TGM3: variants seen among roughly 807,000 people sequenced by gnomAD.
TGM3 encodes the protein protein-glutamine gamma-glutamyltransferase E.
Under a neutral mutation model 73.8 loss-of-function variants are expected in TGM3, and 52 were observed. The ratio of observed to expected loss-of-function variants is 0.70; its 90% CI spans 0.56 to 0.89. The LOEUF (loss-of-function observed/expected upper bound fraction) is 0.89. Among genes scored for constraint, TGM3 ranks in the 40% least tolerant of loss-of-function variants. The pLI is 0.00. For synonymous variants in TGM3, 372 were observed against 354.9 expected, an observed-to-expected ratio of 1.05 and a Z score of -0.54; for missense variants, 928 against 909.9, an observed-to-expected ratio of 1.02 and a Z score of -0.26.
chr20:2,325,376 T>C (rs2084280810), intron 7 of TGM3, among the ~76,000 whole-genome samples: 1 of 152,128 alleles, frequency 6.6e-6, no homozygotes, highest in South Asian at 2.1e-4. Flanking sequence ...ACGGTGTGGC[T>C]CTTAGATAAG....
rs760349725 is a variant in TGM3 at position 2,309,706 on chromosome 20, G to A, written c.57G>A (p.Ala19=). 2.7e-5 allele frequency: 44 copies of A among 1,614,010 alleles called. No individual in the cohort carries two copies. Among genetic ancestry groups the A allele is most frequent in the Admixed American group, 2.3e-4 (14 of 60,000 alleles). Residue 19 remains alanine (A), a synonymous_variant, in exon 2 of 13, where the codon GCG becomes GCA. Coordinates refer to ENST00000381458, the MANE Select transcript of TGM3 (RefSeq NM_003245.4). ...GGCAGACGGCCTTCAACCGACAAGC[G>A]CATCACACAGACAAGTTCTCCAGCC... ...INWQTAFNRQ[A]HHTDKFSSQE...
chr20:2,325,219 T>C (rs1290645675), intron 7 of TGM3, among the ~76,000 whole-genome samples: 2 of 152,102 alleles, frequency 1.3e-5, no homozygotes, highest in Non-Finnish European at 2.9e-5. Flanking sequence ...GAGGGCAGAA[T>C]TGGGGGACAG....
At chr20:2,327,157 A>G (rs1206250862) in intron 8 of TGM3, among the ~76,000 whole-genome samples, 1 of 152,098 alleles carries the variant, frequency 6.6e-6, no homozygotes, top group African/African-American at 2.4e-5. Flanking sequence ...AAGAACATAA[A>G]CTATCAAGGC....
chr20:2,311,688 G>A (rs1346413309), intron 4 of TGM3, among the ~76,000 whole-genome samples: 4 of 152,112 alleles, frequency 2.6e-5, no homozygotes, highest in Non-Finnish European at 5.9e-5. Flanking sequence ...CACCTCGGGC[G>A]GGGTGCCTTG....
In TGM3 at chr20:2,340,783, G is replaced by C. The variant is rs1173931407; in HGVS notation, c.*202G>C. The C allele has an allele frequency of 6.6e-5, 48 of 728,126 alleles. No homozygotes were observed. The highest frequency in any genetic ancestry group is 7.3e-6 in the Non-Finnish European group (3 of 413,074). The allele number at this position is 728,126 out of a possible 1,614,324, so 45.1% of individuals were successfully genotyped here. A position where few individuals can be genotyped will look rare whatever the true frequency, so the allele number is the denominator to read the frequency against. ...CTGGGTCCACCCTGTCCTATGACTT[G>C]ATCACTTTTGCACATTCCCTGGCCG... On this transcript the variant is annotated 3_prime_UTR_variant, in exon 13 of 13. Coordinates refer to ENST00000381458, the MANE Select transcript of TGM3 (RefSeq NM_003245.4).
rs1346844495 is a variant in TGM3, at chr20:2,310,458, C to A, written c.421+41C>A. The A allele has an allele frequency of 4.4e-6, 7 of 1,598,534 alleles. No homozygotes were observed. The Admixed American group carries it at 5.2e-5, about 12-fold the overall frequency. ...CCCACACTCTCAGCCCTGGCCTAAG[C>A]TAGAAAAGAAAAAGGGGATGGGGGA... On this transcript the variant is annotated intron_variant, in intron 3 of 12. Transcript: ENST00000381458.
rs1025474153 is a variant in TGM3, at chr20:2,328,048, G to A, written c.1088-72G>A. ...GCAGGGGGTTGCAGTGGTCCTGGAAGGCCCTGGGGAATCGGGCACTGGGTA... is the reference window on the plus strand; with the variant it reads ...GCAGGGGGTTGCAGTGGTCCTGGAAAGCCCTGGGGAATCGGGCACTGGGTA... On this transcript the variant is annotated intron_variant, in intron 8 of 12. Coordinates refer to ENST00000381458, the MANE Select transcript of TGM3 (RefSeq NM_003245.4). The surrounding 1 kb of genome is among the most constrained non-coding windows in gnomAD (Gnocchi z 5.2). 1.9e-6 allele frequency: 3 copies of A among 1,593,446 alleles called. No individual in the cohort carries two copies. The highest frequency in any genetic ancestry group is 2.7e-5 in the African/African-American group (2 of 74,760).
At position 2,335,121 on chromosome 20, in the gene TGM3, G is replaced by A; in HGVS notation, c.1648G>A (p.Glu550Lys). 1.2e-6 allele frequency: 2 copies of A among 1,614,214 alleles called. No homozygotes were observed. The highest frequency in any genetic ancestry group is 2.2e-5 in the South Asian group (2 of 91,078). Residue 550 changes from glutamate to lysine, a missense_variant, in exon 11 of 13, where the codon GAA becomes AAA. By Grantham distance (56) the Glu-to-Lys change is moderately conservative (BLOSUM62 1). Coordinates refer to ENST00000381458, the MANE Select transcript of TGM3 (RefSeq NM_003245.4). ...CCCCTGGCTTCTCCTTCCAGAGGCA[G>A]AACATCCCATAAAGATCTCGTACGC... ...TMSLDPEEEA[E>K]HPIKISYAQY...
At position 2,332,300 on chromosome 20, in the gene TGM3, C is replaced by A. The variant is rs769809472; in HGVS notation, c.1632C>A (p.Asp544Glu). The A allele has an allele frequency of 3.8e-6, 6 of 1,593,532 alleles. No homozygotes were observed. Among genetic ancestry groups the A allele is most frequent in the Admixed American group, 1.7e-5 (1 of 58,180 alleles). The change falls in exon 10 of 13, where the codon GAC (aspartate) becomes GAA (glutamate). Residue 544 changes from aspartate (D) to glutamate (E), a missense_variant. By Grantham distance (45) the Asp-to-Glu change is conservative (BLOSUM62 2). Transcript: ENST00000381458. This position sits in a 1 kb window ranked among gnomAD's most constrained non-coding sequence, Gnocchi z 4.4. ...VWKDSATMSL[D>E]PEEEAEHPIK... ...AGGACTCTGCCACAATGTCCCTGGA[C>A]CCTGAGGAAGGTAACGCATCCCGCA...
At position 2,302,714 on chromosome 20, in the gene TGM3, T is replaced by TAAAAAA. The variant is rs56347560; in HGVS notation, c.7+6654_7+6659dup. Among the ~76,000 whole-genome samples the TAAAAAA allele has an allele frequency of 5.9e-4, 62 of 105,268 alleles. 2 individuals carry two copies. The highest frequency in any genetic ancestry group is 1.6e-3 in the Admixed American group (13 of 8,168). The allele number at this position is 105,268 out of a possible 152,430, so 69.1% of individuals were successfully genotyped here. A position where few individuals can be genotyped will look rare whatever the true frequency, so the allele number is the denominator to read the frequency against. On this transcript the variant is annotated intron_variant, in intron 1 of 12. Coordinates refer to ENST00000381458, the MANE Select transcript of TGM3 (RefSeq NM_003245.4). ...CAACTGTTTATATAAAGAGGTTTTC[T>TAAAAAA]AAAAAAAAAAAAAAATTTAAAACAG... is the stretch of plus-strand genomic sequence containing the variant.
At chr20:2,340,374 C>T (rs1774310744) in intron 12 of TGM3, 60 bp from the exon 13 acceptor site, 2 of 1,599,730 alleles carry the variant, frequency 1.3e-6, no homozygotes, top group South Asian at 1.1e-5. Context: ...TCACAGGAGG[C>T]CCGTCCAGCC....
intron 11 of TGM3, among the ~76,000 whole-genome samples, chr20:2,337,303 T>A (rs1473178435): frequency 6.6e-6 from 1 of 152,112 alleles, no homozygotes; most frequent in Non-Finnish European, 1.5e-5. Context: ...ACACTCCCCA[T>A]CTCTCTAGAC....
chr20:2,309,562 C>G (rs892496437), intron 1 of TGM3, 95 bp from the exon 2 acceptor site: 1 of 1,336,732 alleles, frequency 7.5e-7, no homozygotes, highest in African/African-American at 1.4e-5. Context: ...CTTGACAAGC[C>G]TCACCCCAAA....
chr20:2,333,709 T>C (rs2084332700), intron 10 of TGM3, among the ~76,000 whole-genome samples: 1 of 152,062 alleles, frequency 6.6e-6, no homozygotes, highest in Non-Finnish European at 1.5e-5. Context: ...AGAGCTAATT[T>C]TGGAAATCAA....
chr20:2,340,024 G>A (rs371377878), intron 12 of TGM3, 37 bp downstream of exon 12: 14 of 1,523,292 alleles, frequency 9.2e-6, no homozygotes, highest in Middle Eastern at 1.8e-4. Flanking sequence ...GCAGGAGGGC[G>A]GGAGGGGGCG....
At position 2,340,485 on chromosome 20, in the gene TGM3, G is replaced by C. The variant is rs1357785744; in HGVS notation, c.1986G>C (p.Leu662=). 7.4e-6 allele frequency: 12 copies of C among 1,614,036 alleles called. No homozygotes were observed. The highest frequency in any genetic ancestry group is 9.3e-6 in the Non-Finnish European group (11 of 1,180,034). Reference sequence around the variant, plus strand: ...GGTCCCGGGTCCGTTTTGATATCCTGCCCTCCCGGAGTGGCACCAAGCAAC... The same window carrying C: ...GGTCCCGGGTCCGTTTTGATATCCTCCCCTCCCGGAGTGGCACCAAGCAAC... The part of the protein sequence containing the change: ...KEGSRVRFDI[L]PSRSGTKQLL... Residue 662 remains leucine (L), a synonymous_variant, in exon 13 of 13, where the codon CTG becomes CTC. Coordinates refer to ENST00000381458, the MANE Select transcript of TGM3 (RefSeq NM_003245.4).
Position 2,304,390 on chromosome 20 carries a change from G to A in TGM3, c.8-5267G>A, listed in dbSNP as rs1279274888. Among the ~76,000 whole-genome samples, 3 of 152,202 alleles carry A rather than the reference G, an allele frequency of 2.0e-5. No individual in the cohort carries two copies. In the South Asian group the frequency reaches 6.2e-4, roughly 32 times the overall value. On this transcript the variant is annotated intron_variant, in intron 1 of 12. Coordinates refer to ENST00000381458, the MANE Select transcript of TGM3 (RefSeq NM_003245.4). ...CTGGCAGCCCCTACTCAGGGATGCG[G>A]GGCAGGCTGTCCCCTTTGTCCAGCT...
Position 2,332,303 on chromosome 20 carries a change from T to C in TGM3, c.1635T>C (p.Pro545=). The change falls in exon 10 of 13, where the codon CCT becomes CCC. Residue 545 remains proline (P), a synonymous_variant. Transcript: ENST00000381458. This position sits in a 1 kb window ranked among gnomAD's most constrained non-coding sequence, Gnocchi z 4.4. ...WKDSATMSLD[P]EEEAEHPIKI... ...ACTCTGCCACAATGTCCCTGGACCC[T>C]GAGGAAGGTAACGCATCCCGCAGTT... 6.3e-7 allele frequency: 1 copy of C among 1,590,580 alleles called. No homozygotes were observed. The highest frequency in any genetic ancestry group is 8.6e-7 in the Non-Finnish European group (1 of 1,166,680).
Position 2,325,839 on chromosome 20 carries a change from C to G in TGM3, c.984-10C>G, listed in dbSNP as rs1382105467. On this transcript the variant is annotated splice_polypyrimidine_tract_variant and intron_variant, in intron 7 of 12. Transcript: ENST00000381458. The stretch of plus-strand genomic sequence containing the variant: ...TGGGCAAGCGCTGCAGTCTCTGGTT[C>G]TATCTGCAGGAATTTCCATGTCTGG... The G allele has an allele frequency of 6.5e-7, 1 of 1,544,906 alleles. No individual in the cohort carries two copies. The highest frequency in any genetic ancestry group is 2.4e-5 in the East Asian group (1 of 41,116).
Sources: gnomAD v4.1 joint callset for allele counts (sites outside exome capture counted in the v4.1 genomes callset) on GRCh38, gnomAD v4.1.1 for gene constraint, Gnocchi (gnomAD v3.1) non-coding constraint, MANE v1.5 for transcripts, NCBI Gene and HGNC (gene_info 2026-07-23, HGNC 2026-07-21) for gene names.